The following BIRC6 variants were observed in gnomAD, a reference collection of about 807,000 sequenced individuals.
BIRC6 encodes the protein baculoviral IAP repeat containing 6.
Under a neutral mutation model 503.3 loss-of-function variants are expected in BIRC6, and 98 were observed. The observed-to-expected ratio is 0.19, with a 90% confidence interval of 0.17 to 0.23. The LOEUF is 0.23. Among genes scored for constraint, BIRC6 ranks in the 10% least tolerant of loss-of-function variants. The pLI is 1.00. For missense variants in BIRC6, 5,360 were observed against 5,806.0 expected (o/e 0.92, Z 2.50); for synonymous variants, 2,240 against 2,078.7 (o/e 1.08, Z -2.11).
intron 65 of BIRC6, among the ~76,000 whole-genome samples, chr2:32,570,146 C>T (rs2059821601): frequency 6.6e-6 from 1 of 152,008 alleles, no homozygotes; most frequent in African/African-American, 2.4e-5. Context: ...CATGCTTTTT[C>T]AACATTTATT....
chr2:32,552,547 A>G (rs2058495969), intron 65 of BIRC6, among the ~76,000 whole-genome samples: 1 of 152,234 alleles, frequency 6.6e-6, no homozygotes, highest in Non-Finnish European at 1.5e-5. Flanking sequence ...GAGGGAGCAT[A>G]TAAGCTCCTT....
At chr2:32,394,744 C>T (rs963873733) in intron 5 of BIRC6, among the ~76,000 whole-genome samples, 20 of 152,196 alleles carry the variant, frequency 1.3e-4, no homozygotes, top group Admixed American at 5.2e-4. Flanking sequence ...GTTGGAGGAT[C>T]ACTTGTGCCC....
In BIRC6 at chr2:32,597,757, T is replaced by C; in HGVS notation, c.13619T>C (p.Phe4540Ser). 3 of 1,610,244 alleles carry C rather than the reference T, an allele frequency of 1.9e-6. No homozygotes were observed. Among genetic ancestry groups the C allele is most frequent in the Middle Eastern group, 1.7e-4 (1 of 6,048 alleles). The change falls in exon 69 of 74, where the codon TTT becomes TCT. Residue 4540 changes from phenylalanine (F) to serine (S), a missense_variant. Phe to Ser is a radical substitution (Grantham distance 155). Around this residue, in one of 16 missense-constraint regions of BIRC6, gnomAD observed 477 missense variants for 574.4 expected, o/e 0.83. Coordinates refer to ENST00000421745, the MANE Select transcript of BIRC6 (RefSeq NM_016252.4). ...AVMKKLQFDT[F>S]EMVSEDEDGK... ...TTTTTTCTTCTCCTTTTAGATACGT[T>C]TGAAATGGTTTCTGAAGATGAAGAT...
chr2:32,518,984 A>G (rs1447952369), intron 57 of BIRC6, 38 bp downstream of exon 57: 1 of 1,576,298 alleles, frequency 6.3e-7, no homozygotes, highest in Non-Finnish European at 8.7e-7. Context: ...GTTTAACTTT[A>G]TGTTTGATGT....
chr2:32,551,126 A>G (rs1317891243), intron 65 of BIRC6, among the ~76,000 whole-genome samples: 1 of 151,912 alleles, frequency 6.6e-6, no homozygotes, highest in South Asian at 2.1e-4. Context: ...AAACGGTAGC[A>G]TGCCTCCTAA....
chr2:32,494,811 G>T (rs1350594878), intron 45 of BIRC6, among the ~76,000 whole-genome samples: 1 of 152,174 alleles, frequency 6.6e-6, no homozygotes, highest in East Asian at 1.9e-4. Flanking sequence ...TGTGGAGCCT[G>T]ATGCAGGAGA....
At chr2:32,504,034 T>TTGTG (rs556051105) in intron 49 of BIRC6, among the ~76,000 whole-genome samples, 6,620 of 78,164 alleles carry the variant, frequency 0.085, 359 homozygotes, top group African/African-American at 0.093. Context: ...GGGGGGGTGT[T>TTGTG]TGTGTGTGTG....
intron 1 of BIRC6, among the ~76,000 whole-genome samples, chr2:32,371,229 A>G (rs2035894444): frequency 6.6e-6 from 1 of 151,318 alleles, no homozygotes; most frequent in African/African-American, 2.4e-5. Context: ...AAAAAAAAAA[A>G]AAAAAAAAAA....
At chr2:32,422,877 CT>C (rs2043084890) in intron 10 of BIRC6, among the ~76,000 whole-genome samples, 1 of 152,094 alleles carries the variant, frequency 6.6e-6, no homozygotes. Flanking sequence ...TTGTTTATTT[CT>C]GTTTTTTTCT....
chr2:32,357,645 C>G lies in BIRC6; in HGVS notation c.325+159C>G, dbSNP rs1000724712. ...AGGCCCGGAAGCTGATGGAGGGGGA[C>G]CTTAGGACTTGGCTTTTTCAGCGGC... On this transcript the variant is annotated intron_variant, in intron 1 of 73. Transcript: ENST00000421745. The surrounding 1 kb of genome is among the most constrained non-coding windows in gnomAD (Gnocchi z 4.9). Among the ~76,000 whole-genome samples, 31 of 152,038 alleles carry G rather than the reference C, an allele frequency of 2.0e-4. No individual in the cohort carries two copies. The highest frequency in any genetic ancestry group is 3.4e-4 in the Non-Finnish European group (23 of 67,990).
chr2:32,567,884 G>A (rs1477811642), intron 65 of BIRC6, among the ~76,000 whole-genome samples: 1 of 152,106 alleles, frequency 6.6e-6, no homozygotes, highest in Non-Finnish European at 1.5e-5. Flanking sequence ...GGTGGATCAC[G>A]AGGTCAGGAA....
intron 33 of BIRC6, among the ~76,000 whole-genome samples, chr2:32,473,752 T>TG (rs1491234577): frequency 4.8e-4 from 49 of 101,642 alleles, no homozygotes; most frequent in East Asian, 1.4e-3. Flanking sequence ...TGTGTGTGTA[T>TG]TTTTTTTTTT....
intron 61 of BIRC6, among the ~76,000 whole-genome samples, chr2:32,539,412 A>G (rs2057486844): frequency 6.6e-6 from 1 of 152,232 alleles, no homozygotes; most frequent in Non-Finnish European, 1.5e-5. Context: ...CCAAAGAAAG[A>G]TAGACAGTAT....
chr2:32,431,103 C>T lies in BIRC6; in HGVS notation c.3248+13C>T. On this transcript the variant is annotated intron_variant, in intron 12 of 73. Coordinates refer to ENST00000421745, the MANE Select transcript of BIRC6 (RefSeq NM_016252.4). ...TACAGACCGACAGGTAAAAGATATT[C>T]CCAAGATAATTAATTTTAAGTCCAT... is the stretch of plus-strand genomic sequence containing the variant. The T allele has an allele frequency of 1.3e-6, 2 of 1,547,610 alleles. No individual in the cohort carries two copies. The highest frequency in any genetic ancestry group is 1.1e-5 in the South Asian group (1 of 89,030).
chr2:32,601,952 G>A (rs1336730716), intron 70 of BIRC6, among the ~76,000 whole-genome samples: 1 of 152,078 alleles, frequency 6.6e-6, no homozygotes, highest in Non-Finnish European at 1.5e-5. Flanking sequence ...TTAAATCAAG[G>A]TCTCTTCTGT....
At chr2:32,583,870 A>G (rs2060854392) in intron 66 of BIRC6, among the ~76,000 whole-genome samples, 1 of 152,152 alleles carries the variant, frequency 6.6e-6, no homozygotes, top group Non-Finnish European at 1.5e-5. Flanking sequence ...AACTGGAACT[A>G]CAGGCTCCCG....
chr2:32,449,040 C>A, intron 22 of BIRC6, 112 bp downstream of exon 22: 1 of 971,168 alleles, frequency 1.0e-6, no homozygotes, highest in Non-Finnish European at 1.5e-6. Context: ...AACTAAAATT[C>A]CTTAGAACTT....
intron 22 of BIRC6, among the ~76,000 whole-genome samples, chr2:32,451,234 G>A (rs532800663): frequency 6.6e-6 from 1 of 152,240 alleles, no homozygotes; most frequent in East Asian, 1.9e-4. Context: ...TTCTAATACA[G>A]CATATAAAAT....
chr2:32,447,370 C>T (rs1355610553), intron 21 of BIRC6, among the ~76,000 whole-genome samples: 2 of 151,310 alleles, frequency 1.3e-5, no homozygotes, highest in East Asian at 3.9e-4. Flanking sequence ...GGGCGGCTGG[C>T]CGGGCGGGGG....
Sources: gnomAD v4.1 joint callset for allele counts (sites outside exome capture counted in the v4.1 genomes callset) on GRCh38, gnomAD v4.1.1 for gene constraint, gnomAD v4.1.1 regional missense constraint, Gnocchi (gnomAD v3.1) non-coding constraint, MANE v1.5 for transcripts, NCBI Gene and HGNC (gene_info 2026-07-23, HGNC 2026-07-21) for gene names.